Variants in TRIM9 observed in about 807,000 individuals in gnomAD.
TRIM9 encodes E3 ubiquitin-protein ligase TRIM9.
Under a neutral mutation model 78.3 loss-of-function variants are expected in TRIM9, and 26 were observed. That is an observed-to-expected ratio of 0.33 (90% CI 0.24 to 0.46). The LOEUF (loss-of-function observed/expected upper bound fraction) is 0.46, where lower values mean the gene tolerates loss of function less well. TRIM9 is among the 20% of genes least tolerant of loss of function. The pLI, the probability that TRIM9 is intolerant of heterozygous loss-of-function variation, is 1.00. For missense variants in TRIM9, 787 were observed against 1,036.4 expected, an observed-to-expected ratio of 0.76 and a Z score of 3.30; for synonymous variants, 398 against 416.5, an observed-to-expected ratio of 0.96 and a Z score of 0.54.
intron 1 of TRIM9, chr14:51,089,899 G>A (rs889298207): frequency 3.9e-5 from 6 of 152,148 alleles, no homozygotes; most frequent in South Asian, 2.1e-4. Flanking sequence ...TGGTTGTGTT[G>A]AACTGAAATT....
chr14:51,016,016 T>C (rs1182699760), intron 3 of TRIM9, among the ~76,000 whole-genome samples: 1 of 152,174 alleles, frequency 6.6e-6, no homozygotes, highest in Non-Finnish European at 1.5e-5. Flanking sequence ...TCCGGTACAG[T>C]TGTCTCCTCA....
At chr14:51,011,670 G>T (rs2056596245) in intron 3 of TRIM9, among the ~76,000 whole-genome samples, 1 of 151,882 alleles carries the variant, frequency 6.6e-6, no homozygotes, top group African/African-American at 2.4e-5. Flanking sequence ...TTTCATTTTT[G>T]GTTATAAATT....
At chr14:51,088,241 A>G (rs985291372) in intron 1 of TRIM9, among the ~76,000 whole-genome samples, 9 of 152,244 alleles carry the variant, frequency 5.9e-5, no homozygotes, top group Non-Finnish European at 1.0e-4. Context: ...TAACTACCTG[A>G]ACTAGTGTTC....
At position 51,054,319 on chromosome 14, in the gene TRIM9, C is replaced by A. The variant is rs115836152; in HGVS notation, c.823-28959G>T. ...TCATTTGTTGTTGTTGTTGTCCAGG[C>A]TGAAGTATAGTGGCTCCATCTTGGC... On this transcript the variant is annotated intron_variant, in intron 1 of 12. Coordinates refer to ENST00000684578, the MANE Select transcript of TRIM9 (RefSeq NM_001387360.1). Among the ~76,000 whole-genome samples, 958 of 98,256 alleles carry A rather than the reference C, an allele frequency of 9.8e-3. 13 individuals carry two copies. The highest frequency in any genetic ancestry group is 0.032 in the African/African-American group (906 of 28,666). The allele number at this position is 98,256 out of a possible 152,430, so 64.5% of individuals were successfully genotyped here. A position where few individuals can be genotyped will look rare whatever the true frequency, so the allele number is the denominator to read the frequency against.
intron 1 of TRIM9, among the ~76,000 whole-genome samples, chr14:51,092,663 A>G (rs2064471306): frequency 6.6e-6 from 1 of 152,224 alleles, no homozygotes; most frequent in Non-Finnish European, 1.5e-5. Context: ...TTAAAAAATG[A>G]AAAGCAAATT....
In TRIM9 at chr14:51,009,219, G is replaced by A; in HGVS notation, c.1167C>T (p.Leu389=). Residue 389 remains leucine (L), a synonymous_variant, in exon 5 of 13, where the codon CTC becomes CTT. Transcript: ENST00000684578. ...CCTCAGTCAGGTGCACTCTTCTTATGAGGGCGTCAGAAATCTAATCAGATA... is the reference window on the plus strand; with the variant it reads ...CCTCAGTCAGGTGCACTCTTCTTATAAGGGCGTCAGAAATCTAATCAGATA... ...PSGFLQISDA[L]IRRVHLTEDQ... The A allele has an allele frequency of 6.2e-7, 1 of 1,613,976 alleles. No individual in the cohort carries two copies. Among genetic ancestry groups the A allele is most frequent in the Non-Finnish European group, 8.5e-7 (1 of 1,179,914 alleles).
intron 1 of TRIM9, among the ~76,000 whole-genome samples, chr14:51,036,890 T>C (rs1208262830): frequency 1.3e-5 from 2 of 152,238 alleles, no homozygotes; most frequent in Non-Finnish European, 2.9e-5. Context: ...ACTGACATAG[T>C]TGGCTTTATT....
chr14:51,068,769 C>A (rs2061967869), intron 1 of TRIM9, among the ~76,000 whole-genome samples: 1 of 152,140 alleles, frequency 6.6e-6, no homozygotes, highest in Admixed American at 6.5e-5. Context: ...TGTTGCAGAA[C>A]CAAGGTTTAA....
At chr14:50,982,785 AATG>A in intron 10 of TRIM9, 154 bp downstream of exon 10, 1 of 634,356 alleles carries the variant, frequency 1.6e-6, no homozygotes, top group Non-Finnish European at 2.6e-6. Context: ...GTGCAGATAG[AATG>A]ATGTCTTTGT....
intron 1 of TRIM9, among the ~76,000 whole-genome samples, chr14:51,048,427 A>G (rs2140049408): frequency 6.6e-6 from 1 of 152,328 alleles, no homozygotes; most frequent in South Asian, 2.1e-4. Flanking sequence ...TTTCTTCTTG[A>G]TGGAGCACAG....
At chr14:50,992,459 G>C (rs1253450001) in intron 7 of TRIM9, among the ~76,000 whole-genome samples, 1 of 151,738 alleles carries the variant, frequency 6.6e-6, no homozygotes, top group Non-Finnish European at 1.5e-5. Flanking sequence ...TATAGAGCCA[G>C]TTACTAGGGA....
At chr14:51,047,801 A>G (rs1323447580) in intron 1 of TRIM9, among the ~76,000 whole-genome samples, 1 of 152,232 alleles carries the variant, frequency 6.6e-6, no homozygotes, top group East Asian at 1.9e-4. Context: ...GGAACACACA[A>G]CTTTTAAACA....
intron 1 of TRIM9, among the ~76,000 whole-genome samples, chr14:51,026,690 T>C (rs112762683): frequency 1.3e-5 from 2 of 152,204 alleles, no homozygotes; most frequent in African/African-American, 4.8e-5. Context: ...AGTTGGGCAC[T>C]GACTCTCTAA....
intron 1 of TRIM9, among the ~76,000 whole-genome samples, chr14:51,088,258 C>T (rs2063953400): frequency 6.6e-6 from 1 of 152,146 alleles, no homozygotes; most frequent in Non-Finnish European, 1.5e-5. Context: ...GTTCTCCAAA[C>T]TTGTGTGGCA....
At position 51,009,084 on chromosome 14, in the gene TRIM9, C is replaced by T; in HGVS notation, c.1302G>A (p.Val434=). Residue 434 remains valine, a synonymous_variant, in exon 5 of 13, where the codon GTG becomes GTA. Coordinates refer to ENST00000684578, the MANE Select transcript of TRIM9 (RefSeq NM_001387360.1). ...QSIHQLDFVQ[V]KASSPVPATP... is the part of the protein sequence containing the mutation. ...TTGGGGGATGCAAGGACATACCTTT[C>T]ACTTGCACGAAATCCAGCTGGTGGA... 1.9e-6 allele frequency: 3 copies of T among 1,613,882 alleles called. No individual in the cohort carries two copies. The highest frequency in any genetic ancestry group is 2.5e-6 in the Non-Finnish European group (3 of 1,179,850).
chr14:51,013,573 T>G (rs1466436290), intron 3 of TRIM9, among the ~76,000 whole-genome samples: 1 of 152,146 alleles, frequency 6.6e-6, no homozygotes, highest in Non-Finnish European at 1.5e-5. Context: ...AAAAGGAAAA[T>G]AAAATGTAGG....
chr14:51,053,509 C>A (rs908607619), intron 1 of TRIM9, among the ~76,000 whole-genome samples: 2 of 113,806 alleles, frequency 1.8e-5, no homozygotes, highest in South Asian at 2.8e-4. Context: ...AACAGGTATT[C>A]TTTTTTTTTT....
intron 1 of TRIM9, among the ~76,000 whole-genome samples, chr14:51,082,875 A>G (rs1031907175): frequency 6.6e-6 from 1 of 152,200 alleles, no homozygotes; most frequent in Non-Finnish European, 1.5e-5. Flanking sequence ...TCTGTGCAGT[A>G]ATGGCAGGTA....
chr14:51,052,002 A>G (rs1243489706), intron 1 of TRIM9, among the ~76,000 whole-genome samples: 1 of 140,678 alleles, frequency 7.1e-6, no homozygotes, highest in African/African-American at 2.6e-5. Flanking sequence ...GGGAACGGAA[A>G]GGAAAGGGAG....
Sources: gnomAD v4.1 joint callset for allele counts (sites outside exome capture counted in the v4.1 genomes callset) on GRCh38, gnomAD v4.1.1 for gene constraint, MANE v1.5 for transcripts, NCBI Gene and HGNC (gene_info 2026-07-23, HGNC 2026-07-21) for gene names.